The following SUPT3H variants were observed in gnomAD, a reference collection of about 807,000 sequenced individuals.
The protein encoded by SUPT3H is SPT3 homolog, SAGA and STAGA complex component.
In SUPT3H, 44 loss-of-function variants were observed where a neutral mutation model predicts 44.3. The ratio of observed to expected loss-of-function variants is 0.99; its 90% CI spans 0.78 to 1.28. The LOEUF (loss-of-function observed/expected upper bound fraction) is 1.28, where lower values mean the gene tolerates loss of function less well. Ranked by LOEUF, SUPT3H falls within the 50% of genes most tolerant of loss-of-function variation. The pLI is 0.00. For missense variants in SUPT3H, 380 were observed against 387.1 expected (o/e 0.98, Z 0.15); for synonymous variants, 124 against 125.6 (o/e 0.99, Z 0.09).
Position 45,229,768 on chromosome 6 carries a change from TG to T in SUPT3H, c.102-123763del, listed in dbSNP as rs565831787. Among the ~76,000 whole-genome samples the T allele has an allele frequency of 2.1e-3, 324 of 152,252 alleles. 1 individual carries two copies. Among genetic ancestry groups the T allele is most frequent in the African/African-American group, 7.5e-3 (310 of 41,554 alleles). On this transcript the variant is annotated intron_variant, in intron 2 of 10. Transcript: ENST00000371459. The stretch of plus-strand genomic sequence containing the variant: ...AATGTTTGTTACATGCAAAAAAAAG[TG>T]TAATGATCAAGTCAAGATAAATGGG...
intron 10 of SUPT3H, among the ~76,000 whole-genome samples, chr6:44,832,929 T>C (rs1769126343): frequency 6.6e-6 from 1 of 152,186 alleles, no homozygotes. Context: ...ACTTCTGTTT[T>C]TTATGGGTTA....
chr6:45,310,477 C>G (rs944765321), intron 2 of SUPT3H, among the ~76,000 whole-genome samples: 1 of 152,082 alleles, frequency 6.6e-6, no homozygotes, highest in Non-Finnish European at 1.5e-5. Flanking sequence ...TCAACCAGCA[C>G]AAAAATAGAG....
chr6:44,937,786 TTTG>T lies in SUPT3H; in HGVS notation c.802-5026_802-5024del, dbSNP rs560086740. On this transcript the variant is annotated intron_variant, in intron 9 of 10. Coordinates refer to ENST00000371459, the MANE Select transcript of SUPT3H (RefSeq NM_003599.4). ...TTTTAATGGGATTACTTGGTGTTTT[TTTG>T]TTGTTGTTGTTTAGCTGTTTGAGTT... Among the ~76,000 whole-genome samples, 16 of 152,224 alleles carry T rather than the reference TTTG, an allele frequency of 1.1e-4. No homozygotes were observed. In the South Asian group the frequency reaches 2.7e-3, roughly 26 times the overall value.
chr6:45,266,663 ATCT>A (rs1490089874), intron 2 of SUPT3H, among the ~76,000 whole-genome samples: 1 of 152,088 alleles, frequency 6.6e-6, no homozygotes, highest in African/African-American at 2.4e-5. Flanking sequence ...ACTTTTTAAA[ATCT>A]TCTCATCTGA....
chr6:45,203,981 C>T (rs894143871), intron 2 of SUPT3H, among the ~76,000 whole-genome samples: 1 of 152,150 alleles, frequency 6.6e-6, no homozygotes, highest in African/African-American at 2.4e-5. Flanking sequence ...AACACAGTGG[C>T]TCACGCCTAT....
intron 2 of SUPT3H, among the ~76,000 whole-genome samples, chr6:45,348,940 ATTAT>A (rs1281026651): frequency 3.3e-5 from 5 of 152,264 alleles, no homozygotes; most frequent in Admixed American, 1.3e-4. Context: ...ACAATTTATA[ATTAT>A]TTATTTCCAC....
At chr6:45,151,417 T>C (rs1287398694) in intron 2 of SUPT3H, among the ~76,000 whole-genome samples, 3 of 152,178 alleles carry the variant, frequency 2.0e-5, no homozygotes, top group East Asian at 3.8e-4. Flanking sequence ...AGCACTCATA[T>C]TGACAAAAGT....
chr6:44,938,663 C>T (rs1771895591), intron 9 of SUPT3H, among the ~76,000 whole-genome samples: 1 of 151,966 alleles, frequency 6.6e-6, no homozygotes, highest in African/African-American at 2.4e-5. Flanking sequence ...ATGCTTTGGG[C>T]AGTATAATCA....
At chr6:45,179,041 G>T (rs368383900) in intron 2 of SUPT3H, among the ~76,000 whole-genome samples, 1 of 152,028 alleles carries the variant, frequency 6.6e-6, no homozygotes, top group Non-Finnish European at 1.5e-5. Flanking sequence ...AAATGATAAA[G>T]GGGATATCAC....
intron 6 of SUPT3H, among the ~76,000 whole-genome samples, chr6:44,965,657 T>A (rs1776677726): frequency 6.6e-6 from 1 of 152,166 alleles, no homozygotes; most frequent in Non-Finnish European, 1.5e-5. Context: ...TATCACCTAA[T>A]TTTTGTTTAT....
intron 9 of SUPT3H, among the ~76,000 whole-genome samples, chr6:44,946,106 C>G (rs974632617): frequency 6.6e-6 from 1 of 152,134 alleles, no homozygotes; most frequent in Non-Finnish European, 1.5e-5. Context: ...GACAGCATAT[C>G]CATTTACAGC....
At chr6:44,840,821 C>T (rs1770813640) in intron 10 of SUPT3H, among the ~76,000 whole-genome samples, 1 of 152,196 alleles carries the variant, frequency 6.6e-6, no homozygotes, top group African/African-American at 2.4e-5. Flanking sequence ...GCCACCCAGG[C>T]TGAAATGAAC....
chr6:45,230,678 A>T (rs1767838011), intron 2 of SUPT3H, among the ~76,000 whole-genome samples: 3 of 110,236 alleles, frequency 2.7e-5, no homozygotes, highest in South Asian at 3.1e-4. Context: ...ATATATATAT[A>T]TATATATATT....
intron 6 of SUPT3H, among the ~76,000 whole-genome samples, chr6:44,972,712 G>A (rs904919120): frequency 3.3e-5 from 5 of 152,314 alleles, no homozygotes; most frequent in Non-Finnish European, 5.9e-5. Flanking sequence ...ATCCTGTGAA[G>A]TCTAGGTGGA....
chr6:45,359,434 T>A (rs1053234927), intron 2 of SUPT3H, among the ~76,000 whole-genome samples: 1 of 152,170 alleles, frequency 6.6e-6, no homozygotes, highest in Non-Finnish European at 1.5e-5. Context: ...TATCTTAAAA[T>A]ATCCCAAACA....
chr6:45,323,021 A>C (rs997106078), intron 2 of SUPT3H: 4 of 1,074,800 alleles, frequency 3.7e-6, no homozygotes, highest in Non-Finnish European at 5.5e-6. Context: ...ATAGAGATAC[A>C]GACAGACATA....
chr6:45,128,126 C>G (rs759351671), intron 2 of SUPT3H, among the ~76,000 whole-genome samples: 2 of 151,996 alleles, frequency 1.3e-5, no homozygotes, highest in Non-Finnish European at 2.9e-5. Context: ...TATGACTGGG[C>G]TTTGCAATGT....
chr6:45,158,298 A>ATATATATATATATTTTT, intron 2 of SUPT3H, among the ~76,000 whole-genome samples: 10 of 99,694 alleles, frequency 1.0e-4, no homozygotes, highest in African/African-American at 5.0e-4. Flanking sequence ...ATATATATAT[A>ATATATATATATATTTTT]TTTTTTTTTT....
At chr6:45,254,465 C>T (rs1299678137) in intron 2 of SUPT3H, among the ~76,000 whole-genome samples, 1 of 151,982 alleles carries the variant, frequency 6.6e-6, no homozygotes, top group East Asian at 1.9e-4. Context: ...GAGATAAAAA[C>T]TAAAACTAAA....
Sources: gnomAD v4.1 joint callset for allele counts (sites outside exome capture counted in the v4.1 genomes callset) on GRCh38, gnomAD v4.1.1 for gene constraint, MANE v1.5 for transcripts, NCBI Gene and HGNC (gene_info 2026-07-23, HGNC 2026-07-21) for gene names.